The following DOCK1 variants were observed in gnomAD, a reference collection of about 807,000 sequenced individuals.
DOCK1 encodes dedicator of cytokinesis protein 1.
DOCK1 carries 138 observed loss-of-function variants against 262.7 expected under a neutral mutation model. The ratio of observed to expected loss-of-function variants is 0.53; its 90% CI spans 0.46 to 0.61. DOCK1 has a LOEUF of 0.61. DOCK1 is among the 20% of genes least tolerant of loss of function. DOCK1 has a pLI of 0.00. For missense variants in DOCK1, 1,908 were observed against 2,370.7 expected (o/e 0.80, Z 4.05); for synonymous variants, 866 against 867.4 (o/e 1.00, Z 0.03).
chr10:127,132,367 A>T (rs1169277397), intron 27 of DOCK1, among the ~76,000 whole-genome samples: 1 of 152,220 alleles, frequency 6.6e-6, no homozygotes, highest in Non-Finnish European at 1.5e-5. Context: ...AGACCATGTG[A>T]ATACCTAGCA....
At chr10:127,122,629 A>ATTT (rs34009633) in intron 25 of DOCK1, among the ~76,000 whole-genome samples, 10 of 144,716 alleles carry the variant, frequency 6.9e-5, no homozygotes, top group East Asian at 6.1e-4. Context: ...GGTTATAACA[A>ATTT]TTTTTTTTTT....
intron 27 of DOCK1, among the ~76,000 whole-genome samples, chr10:127,213,752 C>T (rs963368270): frequency 2.0e-5 from 3 of 152,230 alleles, no homozygotes; most frequent in African/African-American, 7.2e-5. Flanking sequence ...AATGACGCTC[C>T]TTTGGCTGTG....
At chr10:126,948,648 T>G (rs2035848725) in intron 1 of DOCK1, among the ~76,000 whole-genome samples, 1 of 151,788 alleles carries the variant, frequency 6.6e-6, no homozygotes, top group Non-Finnish European at 1.5e-5. Context: ...GGTTGCAGGG[T>G]CAGGTATGCT....
chr10:127,212,480 C>G (rs1299780360), intron 27 of DOCK1, among the ~76,000 whole-genome samples: 1 of 152,086 alleles, frequency 6.6e-6, no homozygotes, highest in African/African-American at 2.4e-5. Context: ...TATTCAAAGC[C>G]TTTGATTCAG....
At chr10:127,201,327 A>G (rs890799600) in intron 27 of DOCK1, among the ~76,000 whole-genome samples, 14 of 152,194 alleles carry the variant, frequency 9.2e-5, no homozygotes, top group African/African-American at 2.9e-4. Context: ...CGGTCCTGGC[A>G]GCCGAGCCGT....
At chr10:126,941,864 C>T (rs986165157) in intron 1 of DOCK1, among the ~76,000 whole-genome samples, 34 of 152,238 alleles carry the variant, frequency 2.2e-4, no homozygotes, top group African/African-American at 7.0e-4. Flanking sequence ...TTTCTCAGCC[C>T]GCCTTTGCAG....
intron 10 of DOCK1, among the ~76,000 whole-genome samples, chr10:127,003,877 C>A (rs190076390): frequency 3.3e-5 from 5 of 152,086 alleles, no homozygotes; most frequent in African/African-American, 1.2e-4. Flanking sequence ...TTGCTTGAAC[C>A]TGGGAGGCGG....
At chr10:127,203,999 T>TA (rs892556725) in intron 27 of DOCK1, among the ~76,000 whole-genome samples, 1 of 152,188 alleles carries the variant, frequency 6.6e-6, no homozygotes, top group African/African-American at 2.4e-5. Context: ...GTCCATAGTT[T>TA]AAAGTGAATA....
intron 29 of DOCK1, chr10:127,257,726 G>T (rs766495636): frequency 1.2e-5 from 3 of 249,246 alleles, no homozygotes; most frequent in African/African-American, 2.2e-5. Flanking sequence ...GCTCGACGTC[G>T]CTCTGCGCTC....
At chr10:127,236,463 G>T (rs142611029) in intron 27 of DOCK1, among the ~76,000 whole-genome samples, 3 of 129,940 alleles carry the variant, frequency 2.3e-5, no homozygotes, top group Admixed American at 1.6e-4. Context: ...ACCATTTGTT[G>T]AAAGTACAGT....
intron 21 of DOCK1, 34 bp downstream of exon 21, chr10:127,043,198 CT>C (rs567444011): frequency 3.4e-6 from 5 of 1,483,190 alleles, no homozygotes; most frequent in Non-Finnish European, 4.7e-6. Context: ...ACCAATACTT[CT>C]TTTTTTGGTA....
chr10:127,061,571 T>C lies in DOCK1; in HGVS notation c.2337-97T>C, dbSNP rs1591850490. On this transcript the variant is annotated intron_variant, in intron 22 of 51. Transcript: ENST00000623213. ...GAGGATGTGGTCTCTCATTCTAACT[T>C]GTCACCCAAGTGATTCCCTTCATGG... 4 of 1,031,390 alleles carry C rather than the reference T, an allele frequency of 3.9e-6. No individual in the cohort carries two copies. The East Asian group carries it at 1.0e-4, about 27-fold the overall frequency. The allele number at this position is 1,031,390 out of a possible 1,614,324, so 63.9% of individuals were successfully genotyped here. A position where few individuals can be genotyped will look rare whatever the true frequency, so the allele number is the denominator to read the frequency against.
rs754609844 is a variant in DOCK1 at position 127,451,307 on chromosome 10, TC to T, written c.5566-24del. On this transcript the variant is annotated intron_variant, in intron 51 of 51. Coordinates refer to ENST00000623213, the MANE Select transcript of DOCK1 (RefSeq NM_001290223.2). ...CTGTCAGGACATCAGTTATGTGACA[TC>T]TTCCCCATCCTCATGTTTTTTAGCA... The T allele has an allele frequency of 8.9e-6, 14 of 1,570,564 alleles. No individual in the cohort carries two copies. The South Asian group carries it at 1.3e-4, about 15-fold the overall frequency.
At chr10:127,061,187 C>T (rs2045507218) in intron 22 of DOCK1, among the ~76,000 whole-genome samples, 1 of 152,158 alleles carries the variant, frequency 6.6e-6, no homozygotes. Flanking sequence ...GAGATCATGC[C>T]ATTGCACTCC....
chr10:127,048,044 CG>C (rs1431706297), intron 21 of DOCK1, among the ~76,000 whole-genome samples: 1 of 152,106 alleles, frequency 6.6e-6, no homozygotes, highest in East Asian at 1.9e-4. Context: ...GTAGAATTGC[CG>C]GGCTAAAGGA....
intron 23 of DOCK1, among the ~76,000 whole-genome samples, chr10:127,074,549 T>A (rs779638477): frequency 6.6e-6 from 1 of 152,230 alleles, no homozygotes; most frequent in Non-Finnish European, 1.5e-5. Context: ...TGGGAAATCC[T>A]ATACATTCAA....
intron 38 of DOCK1, among the ~76,000 whole-genome samples, chr10:127,386,670 G>T (rs2066140325): frequency 6.6e-6 from 1 of 151,934 alleles, no homozygotes; most frequent in African/African-American, 2.4e-5. Context: ...CTACATGATG[G>T]TGAGTTGTAT....
intron 38 of DOCK1, among the ~76,000 whole-genome samples, chr10:127,389,371 G>A (rs1350183748): frequency 2.0e-5 from 3 of 152,170 alleles, no homozygotes; most frequent in South Asian, 4.1e-4. Flanking sequence ...CAAAGGCCAC[G>A]GCTGAAGGTT....
chr10:127,320,314 C>A (rs551109664), intron 29 of DOCK1, among the ~76,000 whole-genome samples: 2 of 152,098 alleles, frequency 1.3e-5, no homozygotes, highest in Admixed American at 6.5e-5. Flanking sequence ...TATTTCAAGT[C>A]TTTCCAGTGG....
Sources: allele counts gnomAD v4.1 joint callset (sites outside exome capture counted in the v4.1 genomes callset), GRCh38; gene constraint gnomAD v4.1.1; transcripts MANE v1.5; gene names NCBI Gene and HGNC (gene_info 2026-07-23, HGNC 2026-07-21).